NRXN3: variants seen among roughly 807,000 people sequenced by gnomAD.
NRXN3 encodes neurexin 3.
A neutral mutation model predicts 137.6 loss-of-function variants in NRXN3; 32 were observed. The observed-to-expected ratio is 0.23, with a 90% confidence interval of 0.18 to 0.31. The LOEUF is 0.31. Among genes scored for constraint, NRXN3 ranks in the 10% least tolerant of loss-of-function variants. The pLI, the probability that NRXN3 is intolerant of heterozygous loss-of-function variation, is 1.00. For missense variants in NRXN3, 1,574 were observed against 2,062.5 expected (o/e 0.76, Z 4.59); for synonymous variants, 798 against 784.5 (o/e 1.02, Z -0.29).
chr14:79,210,068 A>T (rs1249194015), intron 15 of NRXN3, among the ~76,000 whole-genome samples: 2 of 152,184 alleles, frequency 1.3e-5, no homozygotes, highest in Admixed American at 6.5e-5. Context: ...GGACAGTTAC[A>T]GATAAGTTTG....
intron 4 of NRXN3, among the ~76,000 whole-genome samples, chr14:78,331,795 A>G (rs2080849572): frequency 6.6e-6 from 1 of 152,160 alleles, no homozygotes; most frequent in South Asian, 2.1e-4. Context: ...CATTTGATGT[A>G]TTGGAATGAG....
intron 14 of NRXN3, among the ~76,000 whole-genome samples, chr14:78,978,119 C>A (rs2153037442): frequency 6.6e-6 from 1 of 152,192 alleles, no homozygotes; most frequent in South Asian, 2.1e-4. Flanking sequence ...TATTCTTTGT[C>A]TTTTTCACTG....
intron 4 of NRXN3, among the ~76,000 whole-genome samples, chr14:78,419,717 A>C (rs967636633): frequency 2.0e-5 from 3 of 152,130 alleles, no homozygotes; most frequent in African/African-American, 4.8e-5. Flanking sequence ...AGTGGTAATG[A>C]ATAATTAAAG....
intron 11 of NRXN3, among the ~76,000 whole-genome samples, chr14:78,963,532 C>T (rs1409523950): frequency 6.6e-6 from 1 of 152,148 alleles, no homozygotes; most frequent in Non-Finnish European, 1.5e-5. Context: ...CTTTCAGTCA[C>T]TTTATTAATT....
chr14:79,104,795 G>A (rs2052061737), intron 15 of NRXN3, among the ~76,000 whole-genome samples: 1 of 149,550 alleles, frequency 6.7e-6, no homozygotes, highest in South Asian at 2.1e-4. Flanking sequence ...ATTTTTCTGG[G>A]GTTTGTAAAA....
chr14:78,544,317 C>G (rs2096618532), intron 4 of NRXN3, among the ~76,000 whole-genome samples: 1 of 152,198 alleles, frequency 6.6e-6, no homozygotes, highest in African/African-American at 2.4e-5. Flanking sequence ...GTAATCTTAA[C>G]TTGTAGGCAT....
At chr14:78,917,713 GT>G (rs2099259298) in intron 10 of NRXN3, among the ~76,000 whole-genome samples, 3 of 152,036 alleles carry the variant, frequency 2.0e-5, no homozygotes, top group Admixed American at 2.0e-4. Flanking sequence ...TTGTGCACAG[GT>G]GATAGACAAA....
At chr14:79,819,642 G>A (rs1201129744) in intron 20 of NRXN3, among the ~76,000 whole-genome samples, 7 of 151,654 alleles carry the variant, frequency 4.6e-5, no homozygotes, top group Admixed American at 2.0e-4. Context: ...GAGCCACCAC[G>A]CCCAGCTAAT....
At chr14:79,513,309 A>AG (rs11401434) in intron 16 of NRXN3, among the ~76,000 whole-genome samples, 58,581 of 151,982 alleles carry the variant, frequency 0.39, 15,172 homozygotes, top group African/African-American at 0.73. Context: ...GTATCCAGGT[A>AG]GAGAACTCCT....
intron 4 of NRXN3, among the ~76,000 whole-genome samples, chr14:78,416,634 T>C (rs1038713130): frequency 1.6e-4 from 25 of 152,262 alleles, no homozygotes; most frequent in African/African-American, 5.8e-4. Context: ...TTGTATTTTA[T>C]TGCAGAATTG....
At chr14:78,275,362 A>G (rs2153494441) in intron 2 of NRXN3, among the ~76,000 whole-genome samples, 1 of 152,328 alleles carries the variant, frequency 6.6e-6, no homozygotes, top group Non-Finnish European at 1.5e-5. Flanking sequence ...ATCTTCATTG[A>G]TAAAACTCGC....
chr14:79,667,407 A>G (rs1425539925), intron 17 of NRXN3, among the ~76,000 whole-genome samples: 1 of 152,026 alleles, frequency 6.6e-6, no homozygotes, highest in East Asian at 1.9e-4. Flanking sequence ...TCCTGCCTAC[A>G]AGGTCTGAAT....
At chr14:79,683,672 G>A (rs2098681764) in intron 17 of NRXN3, among the ~76,000 whole-genome samples, 1 of 152,162 alleles carries the variant, frequency 6.6e-6, no homozygotes, top group African/African-American at 2.4e-5. Context: ...CAGTTGGTAT[G>A]AACTACGGCT....
At chr14:79,403,615 C>T (rs1017713267) in intron 15 of NRXN3, among the ~76,000 whole-genome samples, 3 of 152,094 alleles carry the variant, frequency 2.0e-5, no homozygotes, top group African/African-American at 7.2e-5. Flanking sequence ...GAGTAAAGAC[C>T]TCCTACTTAG....
intron 11 of NRXN3, among the ~76,000 whole-genome samples, chr14:78,962,433 G>T (rs31424): frequency 0.35 from 52,601 of 151,996 alleles, 12,255 homozygotes; most frequent in African/African-American, 0.66. Flanking sequence ...TGAAAGAAGC[G>T]GCTGTGAGGT....
chr14:79,187,218 C>A (rs1185274133), intron 15 of NRXN3, among the ~76,000 whole-genome samples: 1 of 152,074 alleles, frequency 6.6e-6, no homozygotes, highest in Non-Finnish European at 1.5e-5. Flanking sequence ...GAGTCAGAGC[C>A]CCTCTTGAAA....
intron 19 of NRXN3, among the ~76,000 whole-genome samples, chr14:79,749,247 T>C (rs1290078680): frequency 6.6e-6 from 1 of 152,096 alleles, no homozygotes; most frequent in African/African-American, 2.4e-5. Flanking sequence ...ATGGAAAATG[T>C]GTGTGCTCAC....
chr14:79,251,676 A>C (rs1040317507), intron 15 of NRXN3, among the ~76,000 whole-genome samples: 1 of 152,184 alleles, frequency 6.6e-6, no homozygotes, highest in Admixed American at 6.5e-5. Flanking sequence ...CATTGAGGAT[A>C]GAGCTCAGAC....
intron 16 of NRXN3, among the ~76,000 whole-genome samples, chr14:79,620,232 A>C (rs1007232448): frequency 1.3e-5 from 2 of 152,152 alleles, no homozygotes; most frequent in African/African-American, 4.8e-5. Context: ...AGTGTTATAG[A>C]ATGGTAGTTA....
Sources: gnomAD v4.1 joint callset for allele counts (sites outside exome capture counted in the v4.1 genomes callset) on GRCh38, gnomAD v4.1.1 for gene constraint, MANE v1.5 for transcripts, NCBI Gene and HGNC (gene_info 2026-07-23, HGNC 2026-07-21) for gene names.